The following TGFBR3 variants were observed in gnomAD, a reference collection of about 807,000 sequenced individuals.
The protein encoded by TGFBR3 is transforming growth factor beta receptor type 3.
In TGFBR3, 46 loss-of-function variants were observed where a neutral mutation model predicts 87.9. The observed-to-expected ratio is 0.52, with a 90% CI of 0.41 to 0.67. TGFBR3 has a LOEUF of 0.67. Among genes scored for constraint, TGFBR3 ranks in the 30% least tolerant of loss-of-function variants. The pLI is 0.00. For synonymous variants in TGFBR3, 381 were observed against 391.6 expected (o/e 0.97, Z 0.32); for missense variants, 866 against 1,041.9 (o/e 0.83, Z 2.32).
chr1:91,729,354 G>C (rs1672680600), intron 6 of TGFBR3, among the ~76,000 whole-genome samples: 1 of 151,810 alleles, frequency 6.6e-6, no homozygotes. Flanking sequence ...AGCGCTCTAA[G>C]GACACCACAA....
At chr1:91,695,113 T>C (rs537146286) in intron 16 of TGFBR3, among the ~76,000 whole-genome samples, 142 of 148,768 alleles carry the variant, frequency 9.5e-4, no homozygotes, top group Non-Finnish European at 1.3e-3. Flanking sequence ...TTCATCACTT[T>C]TTTTTTTTTT....
At chr1:91,793,319 T>TATTGG (rs1294506563) in intron 3 of TGFBR3, among the ~76,000 whole-genome samples, 12 of 152,170 alleles carry the variant, frequency 7.9e-5, no homozygotes, top group African/African-American at 2.7e-4. Context: ...TTGATACTGA[T>TATTGG]CTTGCACCAA....
chr1:91,852,743 T>C (rs1677787215), intron 2 of TGFBR3, among the ~76,000 whole-genome samples: 1 of 152,228 alleles, frequency 6.6e-6, no homozygotes, highest in Admixed American at 6.5e-5. Context: ...GGTCTTTTAA[T>C]AGCAGTTATT....
chr1:91,765,015 G>A (rs1005674621), intron 3 of TGFBR3, among the ~76,000 whole-genome samples: 1 of 152,026 alleles, frequency 6.6e-6, no homozygotes, highest in African/African-American at 2.4e-5. Flanking sequence ...ACACAAATTC[G>A]TAAACTTTCT....
rs745709350 is a variant in TGFBR3 at position 91,708,733 on chromosome 1, C to T, written c.2217G>A (p.Trp739Ter). 6.2e-7 allele frequency: 1 copy of T among 1,614,014 alleles called. No individual in the cohort carries two copies. Among genetic ancestry groups the T allele is most frequent in the Non-Finnish European group, 8.5e-7 (1 of 1,179,976 alleles). Residue 739 changes from tryptophan (W) to a stop codon, truncating the protein, a stop_gained, in exon 14 of 17, where the codon TGG becomes TGA. Transcript: ENST00000212355. LOFTEE classifies it high-confidence loss of function. The part of the protein sequence containing the change: ...ACTSLDASII[W>*]AMMQNKKTFT... ...ACGTCTTCTTATTCTGCATCATGGCCCAGATTATCGAGGCGTCCAGCGAGG... is the reference window on the plus strand; with the variant it reads ...ACGTCTTCTTATTCTGCATCATGGCTCAGATTATCGAGGCGTCCAGCGAGG...
intron 2 of TGFBR3, among the ~76,000 whole-genome samples, chr1:91,838,100 AGAGTCCTTGGTG>A (rs1677123722): frequency 6.6e-6 from 1 of 152,200 alleles, no homozygotes; most frequent in Non-Finnish European, 1.5e-5. Flanking sequence ...GCAAGGACCA[AGAGTCCTTGGTG>A]GAGTCCTTCA....
intron 3 of TGFBR3, among the ~76,000 whole-genome samples, chr1:91,780,627 T>TGTTGCCCAGGCTGGAGTGCAA (rs2100962572): frequency 6.8e-6 from 1 of 147,082 alleles, no homozygotes; most frequent in Admixed American, 6.9e-5. Flanking sequence ...TGGCATGATA[T>TGTTGCCCAGGCTGGAGTGCAA]TGGCTCACTG....
chr1:91,730,768 A>G (rs1320048397), intron 5 of TGFBR3, among the ~76,000 whole-genome samples: 1 of 152,238 alleles, frequency 6.6e-6, no homozygotes, highest in Admixed American at 6.5e-5. Context: ...GATGAAAGGT[A>G]GGAATTTGGG....
chr1:91,775,495 C>T (rs428377), intron 3 of TGFBR3, among the ~76,000 whole-genome samples: 32,679 of 152,070 alleles, frequency 0.21, 5,308 homozygotes, highest in African/African-American at 0.46. Context: ...TCAGTTCAAG[C>T]ACGCTTCCTC....
chr1:91,788,851 T>C lies in TGFBR3; in HGVS notation c.246+8436A>G, dbSNP rs61781092. 2.6e-3 allele frequency among the ~76,000 whole-genome samples: 393 copies of C among 152,326 alleles called. 2 individuals carry two copies. Among genetic ancestry groups the C allele is most frequent in the Admixed American group, 5.5e-3 (84 of 15,302 alleles). The stretch of plus-strand genomic sequence containing the variant: ...TGCAGAGAGTGCTCTTGTAAAAACA[T>C]TGTCTAACAACACTTTCAGGAAATT... On this transcript the variant is annotated intron_variant, in intron 3 of 16. Transcript: ENST00000212355.
rs746204770 is a variant in TGFBR3 at position 91,841,897 on chromosome 1, G to A, written c.61+19574C>T. 4.6e-4 allele frequency among the ~76,000 whole-genome samples: 70 copies of A among 150,644 alleles called. 1 individual carries two copies. Among genetic ancestry groups the A allele is most frequent in the Admixed American group, 2.0e-4 (3 of 15,052 alleles). On this transcript the variant is annotated intron_variant, in intron 2 of 16. Coordinates refer to ENST00000212355, the MANE Select transcript of TGFBR3 (RefSeq NM_003243.5). ...GTGGATTGCTTGAGTTCAGGAGTTC[G>A]AGACCAGCCTGGGCAACAGAGCAAA...
chr1:91,899,437 T>C (rs1379487903), intron 2 of TGFBR3, among the ~76,000 whole-genome samples: 2 of 151,690 alleles, frequency 1.3e-5, no homozygotes, highest in Non-Finnish European at 1.5e-5. Context: ...GCCGAGGAGG[T>C]TGAGGCTGCA....
In TGFBR3 at chr1:91,885,911, G is replaced by A. The variant is rs531650389; in HGVS notation, c.-147C>T. On this transcript the variant is annotated 5_prime_UTR_variant, in exon 1 of 17. Coordinates refer to ENST00000212355, the MANE Select transcript of TGFBR3 (RefSeq NM_003243.5). ...CGGTGTGTCCAGCGGAGATCCACCC[G>A]CAGCAAGTTGGAGGAAAGCGGCGGC... 26 of 433,976 alleles carry A rather than the reference G, an allele frequency of 6.0e-5. 1 individual carries two copies. The highest frequency in any genetic ancestry group is 4.2e-4 in the South Asian group (25 of 59,922). 26.9% of individuals were successfully genotyped at this position (433,976 alleles called of 1,614,324 possible).
intron 4 of TGFBR3, among the ~76,000 whole-genome samples, chr1:91,745,643 G>T (rs1460652601): frequency 6.6e-6 from 1 of 152,230 alleles, no homozygotes; most frequent in Non-Finnish European, 1.5e-5. Context: ...CATTTTAAAA[G>T]AGGAAAATCA....
intron 10 of TGFBR3, among the ~76,000 whole-genome samples, chr1:91,717,882 T>TA (rs56985900): frequency 2.6e-5 from 4 of 151,872 alleles, no homozygotes; most frequent in Admixed American, 6.6e-5. Context: ...GACTTTTTTT[T>TA]TTTTTTATTT....
chr1:91,878,324 CAGTT>C (rs1490753967), intron 1 of TGFBR3, among the ~76,000 whole-genome samples: 2 of 150,278 alleles, frequency 1.3e-5, no homozygotes, highest in Admixed American at 6.6e-5. Flanking sequence ...AATTATCACA[CAGTT>C]AGTTAATTAT....
At chr1:91,698,165 G>A in intron 14 of TGFBR3, 35 bp from the exon 15 acceptor site, 1 of 1,591,082 alleles carries the variant, frequency 6.3e-7, no homozygotes, top group Non-Finnish European at 8.6e-7. Context: ...TGTATTCTAT[G>A]GAGAACCAAG....
chr1:91,746,387 T>C (rs924132769), intron 4 of TGFBR3, among the ~76,000 whole-genome samples: 4 of 152,242 alleles, frequency 2.6e-5, no homozygotes, highest in East Asian at 1.9e-4. Context: ...ACAGGAATCC[T>C]GTCCAGCTTT....
chr1:91,794,953 G>T (rs1398294745), intron 3 of TGFBR3, among the ~76,000 whole-genome samples: 1 of 152,212 alleles, frequency 6.6e-6, no homozygotes, highest in African/African-American at 2.4e-5. Flanking sequence ...TGTTTGCATA[G>T]CTGCGGGAAT....
Sources: allele counts gnomAD v4.1 joint callset (sites outside exome capture counted in the v4.1 genomes callset), GRCh38; gene constraint gnomAD v4.1.1; transcripts MANE v1.5; gene names NCBI Gene and HGNC (gene_info 2026-07-23, HGNC 2026-07-21).